VCL: variants seen among roughly 807,000 people sequenced by gnomAD.
VCL encodes the protein epididymis luminal protein 114.
In VCL, 47 loss-of-function variants were observed where a neutral mutation model predicts 125.7. The ratio of observed to expected loss-of-function variants is 0.37; its 90% confidence interval spans 0.30 to 0.48. The LOEUF (loss-of-function observed/expected upper bound fraction) is 0.48. VCL is among the 20% of genes least tolerant of loss of function. The pLI, the probability that VCL is intolerant of heterozygous loss-of-function variation, is 0.99. For missense variants in VCL, 1,069 were observed against 1,455.5 expected, an observed-to-expected ratio of 0.73 and a Z score of 4.32; for synonymous variants, 458 against 514.6, an observed-to-expected ratio of 0.89 and a Z score of 1.49.
chr10:74,068,456 C>G (rs1841609774), intron 2 of VCL, among the ~76,000 whole-genome samples: 1 of 152,096 alleles, frequency 6.6e-6, no homozygotes, highest in Non-Finnish European at 1.5e-5. Context: ...TCCCCAGTAG[C>G]TGGGATTACA....
At chr10:74,094,174 C>A in intron 10 of VCL, 97 bp from the exon 11 acceptor site, 1 of 1,453,070 alleles carries the variant, frequency 6.9e-7, no homozygotes, top group Non-Finnish European at 9.4e-7. Flanking sequence ...TAATCAGGAG[C>A]AATTTGTCAT....
At chr10:74,067,869 C>A (rs1448138262) in intron 2 of VCL, among the ~76,000 whole-genome samples, 1 of 152,032 alleles carries the variant, frequency 6.6e-6, no homozygotes, top group Non-Finnish European at 1.5e-5. Flanking sequence ...ATGAGTATTG[C>A]GTGTTTTACT....
At chr10:74,106,535 A>T (rs147891024) in intron 16 of VCL, among the ~76,000 whole-genome samples, 44 of 152,314 alleles carry the variant, frequency 2.9e-4, no homozygotes, top group African/African-American at 1.0e-3. Context: ...TTTGGTTGAA[A>T]TCATCTGAAT....
intron 6 of VCL, chr10:74,075,191 G>A (rs1839562164): frequency 2.4e-6 from 1 of 408,196 alleles, no homozygotes; most frequent in South Asian, 2.7e-5. Context: ...TTGGACTGGT[G>A]GAAGAGTATA....
intron 1 of VCL, among the ~76,000 whole-genome samples, chr10:74,017,074 G>A (rs1840557874): frequency 2.5e-5 from 2 of 80,474 alleles, no homozygotes; most frequent in Admixed American, 2.4e-4. Context: ...TTGAGACGGA[G>A]TCTCGCTCTG....
rs761830073 is a variant in VCL at position 74,112,029 on chromosome 10, A to G, written c.2866A>G (p.Met956Val). The change falls in exon 19 of 22, where the codon ATG becomes GTG. Residue 956 changes from methionine (M) to valine (V), a missense_variant. Coordinates refer to ENST00000211998, the MANE Select transcript of VCL (RefSeq NM_014000.3). The part of the protein sequence containing the change: ...EDDYEPELLL[M>V]PSNQPVNQPI... Reference sequence around the variant, plus strand: ...CGATTACGAACCTGAGCTGCTGTTAATGCCATCCAATCAGCCGGTCAACCA... The same window carrying G: ...CGATTACGAACCTGAGCTGCTGTTAGTGCCATCCAATCAGCCGGTCAACCA... The G allele has an allele frequency of 2.3e-5, 37 of 1,614,184 alleles. No homozygotes were observed. The highest frequency in any genetic ancestry group is 2.8e-5 in the Non-Finnish European group (33 of 1,180,034).
chr10:74,068,818 G>A (rs1401374530), intron 2 of VCL, among the ~76,000 whole-genome samples: 1 of 152,180 alleles, frequency 6.6e-6, no homozygotes, highest in African/African-American at 2.4e-5. Flanking sequence ...TTGGTTGCAA[G>A]TGGGATGGAA....
intron 1 of VCL, among the ~76,000 whole-genome samples, chr10:74,025,497 C>A (rs1840754123): frequency 1.3e-5 from 2 of 151,660 alleles, no homozygotes; most frequent in African/African-American, 2.4e-5. Flanking sequence ...GTCTATAGTT[C>A]CAGCTACTCG....
intron 1 of VCL, among the ~76,000 whole-genome samples, chr10:74,000,140 A>G (rs1214220935): frequency 6.6e-6 from 1 of 150,880 alleles, no homozygotes; most frequent in East Asian, 1.9e-4. Flanking sequence ...TGTCTGCTAT[A>G]TGGAAAACAC....
intron 5 of VCL, among the ~76,000 whole-genome samples, 195 bp downstream of exon 5, chr10:74,073,047 T>C (rs569210133): frequency 1.3e-5 from 2 of 152,034 alleles, no homozygotes; most frequent in African/African-American, 4.8e-5. Flanking sequence ...TTCAAGCGAT[T>C]CTCCTGCCTC....
At chr10:74,020,144 A>T (rs1191944319) in intron 1 of VCL, among the ~76,000 whole-genome samples, 2 of 152,182 alleles carry the variant, frequency 1.3e-5, no homozygotes, top group East Asian at 3.8e-4. Flanking sequence ...ACAGGTAAGG[A>T]AACTAAGGCT....
At chr10:74,042,662 A>T (rs568004355) in intron 1 of VCL, among the ~76,000 whole-genome samples, 1 of 152,276 alleles carries the variant, frequency 6.6e-6, no homozygotes, top group East Asian at 1.9e-4. Flanking sequence ...ATAGCTTCAA[A>T]TATTTTTCCC....
chr10:74,040,900 G>T (rs924416453), intron 1 of VCL, among the ~76,000 whole-genome samples: 1 of 152,158 alleles, frequency 6.6e-6, no homozygotes, highest in East Asian at 1.9e-4. Flanking sequence ...CTGTTGTCCA[G>T]GCTGGAGTGC....
chr10:74,066,152 C>A (rs376357844), intron 2 of VCL, among the ~76,000 whole-genome samples: 2 of 149,394 alleles, frequency 1.3e-5, no homozygotes, highest in South Asian at 4.2e-4. Flanking sequence ...CTCCGCCTCC[C>A]GGGTTCAAGT....
chr10:74,046,455 C>T (rs570070483), intron 2 of VCL, among the ~76,000 whole-genome samples: 3 of 152,170 alleles, frequency 2.0e-5, no homozygotes, highest in African/African-American at 4.8e-5. Context: ...GTTGCCCAGG[C>T]TGGTCTTGAA....
At chr10:74,044,912 CT>C (rs1841168205) in intron 2 of VCL, among the ~76,000 whole-genome samples, 1 of 152,148 alleles carries the variant, frequency 6.6e-6, no homozygotes, top group Non-Finnish European at 1.5e-5. Context: ...GGTGCAGTGG[CT>C]CACACCTGTA....
rs548487697 is a variant in VCL, at chr10:74,095,687, A to C, written c.1575A>C (p.Glu525Asp). 262 of 1,614,134 alleles carry C rather than the reference A, an allele frequency of 1.6e-4. 1 individual carries two copies. In the South Asian group the frequency reaches 2.8e-3, roughly 17 times the overall value. ...GQAAIRGLVA[E>D]GHRLANVMMG... ...CTGCCATCCGGGGGCTTGTGGCCGA[A>C]GGGCATCGTCTGGCTAATGTTATGA... Residue 525 changes from glutamate (E) to aspartate (D), a missense_variant, in exon 12 of 22, where the codon GAA (glutamate) becomes GAC (aspartate). Coordinates refer to ENST00000211998, the MANE Select transcript of VCL (RefSeq NM_014000.3).
intron 9 of VCL, among the ~76,000 whole-genome samples, chr10:74,089,670 T>G (rs911623387): frequency 1.3e-5 from 2 of 152,194 alleles, no homozygotes; most frequent in Admixed American, 6.5e-5. Context: ...CTTGGGTCAT[T>G]GTAATGTTTA....
Position 74,095,693 on chromosome 10 carries a change from T to C in VCL, c.1581T>C (p.His527=), listed in dbSNP as rs1839956991. The part of the protein sequence containing the change: ...AAIRGLVAEG[H]RLANVMMGPY... ...TCCGGGGGCTTGTGGCCGAAGGGCA[T>C]CGTCTGGCTAATGTTATGATGGGGC... Residue 527 remains histidine (H), a synonymous_variant, in exon 12 of 22, where the codon CAT becomes CAC. Coordinates refer to ENST00000211998, the MANE Select transcript of VCL (RefSeq NM_014000.3). 2 of 1,614,170 alleles carry C rather than the reference T, an allele frequency of 1.2e-6. No homozygotes were observed. The highest frequency in any genetic ancestry group is 1.7e-5 in the Admixed American group (1 of 60,022).
Sources: gnomAD v4.1 joint callset for allele counts (sites outside exome capture counted in the v4.1 genomes callset) on GRCh38, gnomAD v4.1.1 for gene constraint, MANE v1.5 for transcripts, NCBI Gene and HGNC (gene_info 2026-07-23, HGNC 2026-07-21) for gene names.